The following CDC14B variants were observed in gnomAD, a reference collection of about 807,000 sequenced individuals.
CDC14B encodes the protein cell division cycle 14B.
In CDC14B, 22 loss-of-function variants were observed where a neutral mutation model predicts 64.2. The observed-to-expected ratio is 0.34, with a 90% CI of 0.24 to 0.49. CDC14B has a LOEUF of 0.49. Among genes scored for constraint, CDC14B ranks in the 20% least tolerant of loss-of-function variants. The pLI, the probability that CDC14B is intolerant of heterozygous loss-of-function variation, is 0.99. For missense variants in CDC14B, 498 were observed against 629.9 expected (o/e 0.79, Z 2.24); for synonymous variants, 191 against 215.8 (o/e 0.89, Z 1.01).
intron 9 of CDC14B, among the ~76,000 whole-genome samples, chr9:96,527,676 C>T (rs569068023): frequency 5.3e-5 from 8 of 151,838 alleles, no homozygotes; most frequent in Non-Finnish European, 8.8e-5. Context: ...AGTGCAATGG[C>T]GCAATCTCAG....
chr9:96,557,852 G>C (rs1451691734), intron 4 of CDC14B, among the ~76,000 whole-genome samples: 1 of 152,184 alleles, frequency 6.6e-6, no homozygotes, highest in Admixed American at 6.5e-5. Context: ...AAATTTGCAA[G>C]CTACGTGCCA....
At chr9:96,572,076 G>A (rs893871706) in intron 1 of CDC14B, among the ~76,000 whole-genome samples, 6 of 152,146 alleles carry the variant, frequency 3.9e-5, no homozygotes, top group Non-Finnish European at 7.4e-5. Flanking sequence ...CTGACAGGAT[G>A]GTGAGTGAGA....
chr9:96,573,678 G>C (rs954507363), intron 1 of CDC14B, among the ~76,000 whole-genome samples: 11 of 152,190 alleles, frequency 7.2e-5, no homozygotes, highest in African/African-American at 2.7e-4. Flanking sequence ...CATGTTACAT[G>C]TAATAAACTA....
At chr9:96,494,073 T>A (rs1396461183) in intron 13 of CDC14B, among the ~76,000 whole-genome samples, 1 of 152,216 alleles carries the variant, frequency 6.6e-6, no homozygotes, top group Non-Finnish European at 1.5e-5. Flanking sequence ...GAGCGTTTGC[T>A]TGAGAGCCTG....
chr9:96,551,111 C>CTCTTTTTTTTTTTTTTTTTT (rs1841745578), intron 5 of CDC14B, among the ~76,000 whole-genome samples: 1 of 93,296 alleles, frequency 1.1e-5, no homozygotes, highest in Admixed American at 1.2e-4. Context: ...TTGGGGTTTG[C>CTCTTTTTTTTTTTTTTTTTT]TTTTTTTTTT....
chr9:96,535,212 CAGG>C (rs1228038579), intron 7 of CDC14B, among the ~76,000 whole-genome samples: 2 of 152,140 alleles, frequency 1.3e-5, no homozygotes, highest in South Asian at 2.1e-4. Context: ...GAGGCTGAGG[CAGG>C]AGAATTGCTT....
At chr9:96,511,525 C>T (rs539629789) in intron 12 of CDC14B, among the ~76,000 whole-genome samples, 10 of 152,286 alleles carry the variant, frequency 6.6e-5, no homozygotes, top group Admixed American at 3.3e-4. Context: ...GAGCCGAGAT[C>T]GTGCCACTGC....
intron 4 of CDC14B, among the ~76,000 whole-genome samples, chr9:96,561,837 G>A (rs1180049674): frequency 1.3e-5 from 2 of 151,784 alleles, no homozygotes; most frequent in Non-Finnish European, 2.9e-5. Context: ...TACACTGATG[G>A]TGGGGTGGGG....
rs553071911 is a variant in CDC14B, at chr9:96,604,505, C to G, written c.160+14714G>C. Among the ~76,000 whole-genome samples the G allele has an allele frequency of 2.6e-5, 4 of 151,640 alleles. No homozygotes were observed. The South Asian group carries it at 8.3e-4, about 32-fold the overall frequency. On this transcript the variant is annotated intron_variant, in intron 1 of 13. Coordinates refer to ENST00000375241, the MANE Select transcript of CDC14B (RefSeq NM_033331.4). ...AAGCGATTCTCCTGCCTCAGCCTCC[C>G]GAGTAGCTGGGATTACAGGCATGCG...
At chr9:96,606,527 TTG>T (rs376059971) in intron 1 of CDC14B, among the ~76,000 whole-genome samples, 23,596 of 112,392 alleles carry the variant, frequency 0.21, 2,129 homozygotes, top group Non-Finnish European at 0.26. Flanking sequence ...TACTAAAAGT[TTG>T]TGTGTGTGTG....
At position 96,525,701 on chromosome 9, in the gene CDC14B, G is replaced by A. The variant is rs562712532; in HGVS notation, c.947-1976C>T. Reference sequence around the variant, plus strand: ...GGTTTCTCCCTTTTGGAATGGTAATGTCTATCCTGTGCCTGTACCATCCCA... The same window carrying A: ...GGTTTCTCCCTTTTGGAATGGTAATATCTATCCTGTGCCTGTACCATCCCA... On this transcript the variant is annotated intron_variant, in intron 9 of 13. Transcript: ENST00000375241. 2.6e-5 allele frequency among the ~76,000 whole-genome samples: 4 copies of A among 152,316 alleles called. No homozygotes were observed. The East Asian group carries it at 5.8e-4, about 22-fold the overall frequency.
Position 96,502,763 on chromosome 9 carries a change from G to GAGAT in CDC14B, c.*986_*989dup, listed in dbSNP as rs1833664750. ...GATCCAGAAGCAGATCATTGTCACTGAGATCGCAGGCCACGTCAATGGCCT... is the reference window on the plus strand; with the variant it reads ...GATCCAGAAGCAGATCATTGTCACTGAGATAGATCGCAGGCCACGTCAATGGCCT... On this transcript the variant is annotated 3_prime_UTR_variant, in exon 14 of 14. Transcript: ENST00000375241. 2 of 397,412 alleles carry GAGAT rather than the reference G, an allele frequency of 5.0e-6. No homozygotes were observed. Among genetic ancestry groups the GAGAT allele is most frequent in the Non-Finnish European group, 8.9e-6 (2 of 225,400 alleles). The allele number at this position is 397,412 out of a possible 1,614,324, so 24.6% of individuals were successfully genotyped here.
intron 9 of CDC14B, among the ~76,000 whole-genome samples, chr9:96,532,089 T>G (rs1838582380): frequency 6.6e-6 from 1 of 152,186 alleles, no homozygotes; most frequent in South Asian, 2.1e-4. Context: ...ATTTGTTTTT[T>G]GCAAGTTACA....
At chr9:96,554,233 TG>T (rs1223026505) in intron 4 of CDC14B, among the ~76,000 whole-genome samples, 1 of 152,068 alleles carries the variant, frequency 6.6e-6, no homozygotes, top group African/African-American at 2.4e-5. Context: ...AAAAACACCT[TG>T]AAGCCAATAA....
intron 9 of CDC14B, among the ~76,000 whole-genome samples, chr9:96,532,356 A>G (rs1021828942): frequency 5.9e-5 from 9 of 152,148 alleles, no homozygotes; most frequent in Non-Finnish European, 1.3e-4. Flanking sequence ...TCTGCTGACA[A>G]TCTCAGTGGT....
At chr9:96,603,030 T>C (rs536641533) in intron 1 of CDC14B, among the ~76,000 whole-genome samples, 18 of 151,878 alleles carry the variant, frequency 1.2e-4, no homozygotes, top group African/African-American at 4.3e-4. Context: ...AGCTTAACCA[T>C]CCGTTAAGAT....
chr9:96,497,294 AGGCAGGGGCG>A (rs1833295657), downstream of CDC14B, among the ~76,000 whole-genome samples: 1 of 104,372 alleles, frequency 9.6e-6, no homozygotes, highest in Non-Finnish European at 2.2e-5. Flanking sequence ...AGAGGCGGGG[AGGCAGGGGCG>A]GGGAGGCAGA....
chr9:96,574,273 T>C (rs1435980810), intron 1 of CDC14B, among the ~76,000 whole-genome samples: 1 of 152,014 alleles, frequency 6.6e-6, no homozygotes, highest in African/African-American at 2.4e-5. Flanking sequence ...GAGCCACATA[T>C]AAATGAAAAC....
intron 1 of CDC14B, among the ~76,000 whole-genome samples, chr9:96,579,605 A>C (rs1356164213): frequency 6.6e-6 from 1 of 150,490 alleles, no homozygotes; most frequent in Non-Finnish European, 1.5e-5. Flanking sequence ...AAAAAGGGAG[A>C]TACCAGAGCA....
Sources: gnomAD v4.1 joint callset for allele counts (sites outside exome capture counted in the v4.1 genomes callset) on GRCh38, gnomAD v4.1.1 for gene constraint, MANE v1.5 for transcripts, NCBI Gene and HGNC (gene_info 2026-07-23, HGNC 2026-07-21) for gene names.